The following TXNDC16 variants were observed in gnomAD, a reference collection of about 807,000 sequenced individuals.
TXNDC16 encodes the protein thioredoxin domain containing 16.
A neutral mutation model predicts 85.6 loss-of-function variants in TXNDC16; 74 were observed. The observed-to-expected ratio is 0.86, with a 90% CI of 0.72 to 1.05. The LOEUF (loss-of-function observed/expected upper bound fraction) is 1.05. Among genes scored for constraint, TXNDC16 ranks in the 50% least tolerant of loss-of-function variants. TXNDC16 has a pLI of 0.00. For synonymous variants in TXNDC16, 335 were observed against 326.5 expected, an observed-to-expected ratio of 1.03 and a Z score of -0.28; for missense variants, 959 against 947.0, an observed-to-expected ratio of 1.01 and a Z score of -0.17.
chr14:52,511,493 AATT>A, intron 8 of TXNDC16, 103 bp from the exon 9 acceptor site: 1 of 686,118 alleles, frequency 1.5e-6, no homozygotes. Context: ...CATGCTTTTG[AATT>A]ATTATTTTGG....
rs200250325 is a variant in TXNDC16 at position 52,457,148 on chromosome 14, T to G, written c.1645A>C (p.Asn549His). 104 of 1,589,608 alleles carry G rather than the reference T, an allele frequency of 6.5e-5. No homozygotes were observed. The highest frequency in any genetic ancestry group is 8.4e-5 in the Non-Finnish European group (98 of 1,171,270). Reference protein sequence around the residue: ...TAKEDFSEAGNYLKGYVITGI... With the variant: ...TAKEDFSEAGHYLKGYVITGI... ...GTGATAACATATCCTTTTAGGTAGT[T>G]TCCTGCTTCACTAAAATCTTCTTTT... Residue 549 changes from asparagine to histidine, a missense_variant, in exon 17 of 21, where the codon AAC (asparagine) becomes CAC (histidine). Transcript: ENST00000281741.
At chr14:52,455,249 G>T in intron 18 of TXNDC16, 75 bp downstream of exon 18, 1 of 1,550,410 alleles carries the variant, frequency 6.4e-7, no homozygotes, top group African/African-American at 1.4e-5. Flanking sequence ...ATGGAAAAAT[G>T]TGTATGAACA....
intron 9 of TXNDC16, among the ~76,000 whole-genome samples, chr14:52,492,710 C>T (rs956139877): frequency 8.5e-5 from 13 of 152,102 alleles, no homozygotes; most frequent in African/African-American, 3.1e-4. Context: ...CTAAGAAATC[C>T]CATGGGATGG....
chr14:52,444,078 G>A (rs983420325), intron 18 of TXNDC16, among the ~76,000 whole-genome samples: 7 of 152,106 alleles, frequency 4.6e-5, no homozygotes, highest in Admixed American at 3.9e-4. Context: ...AATTACAAAA[G>A]CCGGAAGAAA....
At chr14:52,483,094 T>A in intron 12 of TXNDC16, 129 bp from the exon 13 acceptor site, 1 of 689,708 alleles carries the variant, frequency 1.4e-6, no homozygotes, top group Non-Finnish European at 2.2e-6. Flanking sequence ...ATCTTAATAG[T>A]TAGGATGCAT....
intron 4 of TXNDC16, among the ~76,000 whole-genome samples, chr14:52,538,337 G>C (rs1359818916): frequency 3.3e-5 from 5 of 152,132 alleles, no homozygotes; most frequent in African/African-American, 1.2e-4. Flanking sequence ...CAGAAAGAAT[G>C]AACTAAGTCA....
intron 18 of TXNDC16, among the ~76,000 whole-genome samples, chr14:52,450,916 TAC>T (rs2035396219): frequency 6.6e-6 from 1 of 150,998 alleles, no homozygotes; most frequent in Admixed American, 6.6e-5. Flanking sequence ...TATGTATACA[TAC>T]ACACACATTG....
Position 52,432,347 on chromosome 14 carries a change from G to T in TXNDC16, c.2435C>A (p.Ser812Ter). 6.2e-7 allele frequency: 1 copy of T among 1,613,396 alleles called. No individual in the cohort carries two copies. The highest frequency in any genetic ancestry group is 8.5e-7 in the Non-Finnish European group (1 of 1,179,768). ...RSNWFKEAEK[S>*]FRRDKELGCS... Reference sequence around the variant, plus strand: ...TCCTAACTCTTTATCACGTCTAAATGATTTTTCTGCTTCTTTAAACCAATT... The same window carrying T: ...TCCTAACTCTTTATCACGTCTAAATTATTTTTCTGCTTCTTTAAACCAATT... Residue 812 changes from serine to a stop codon, truncating the protein, a stop_gained, in exon 21 of 21, where the codon TCA becomes TAA. Coordinates refer to ENST00000281741, the MANE Select transcript of TXNDC16 (RefSeq NM_020784.3). LOFTEE classifies it high-confidence loss of function.
intron 6 of TXNDC16, among the ~76,000 whole-genome samples, chr14:52,535,813 T>C (rs1342798694): frequency 1.3e-5 from 2 of 151,902 alleles, no homozygotes; most frequent in African/African-American, 4.8e-5. Flanking sequence ...AGCTAGAGAA[T>C]CCAGAAAGAA....
intron 6 of TXNDC16, among the ~76,000 whole-genome samples, chr14:52,532,629 G>C (rs958806996): frequency 1.4e-4 from 21 of 152,044 alleles, no homozygotes; most frequent in Non-Finnish European, 2.6e-4. Context: ...GTAGAGACAG[G>C]GTTTCACCGT....
rs1321569098 is a variant in TXNDC16, at chr14:52,530,396, TATA to T, written c.392+6320_392+6322del. ...TATAATATTATATATAATATTATAA[TATA>T]ATATATAATTATTATATAATATTAT... On this transcript the variant is annotated intron_variant, in intron 6 of 20. Transcript: ENST00000281741. Among the ~76,000 whole-genome samples the T allele has an allele frequency of 2.8e-4, 6 of 21,400 alleles. 1 individual carries two copies. The highest frequency in any genetic ancestry group is 3.3e-4 in the Non-Finnish European group (5 of 15,274). 14.0% of individuals were successfully genotyped at this position (21,400 alleles called of 152,430 possible). A position where few individuals can be genotyped will look rare whatever the true frequency, so the allele number is the denominator to read the frequency against.
chr14:52,514,698 T>C (rs575467397), intron 8 of TXNDC16, among the ~76,000 whole-genome samples, 182 bp downstream of exon 8: 12 of 152,306 alleles, frequency 7.9e-5, no homozygotes, highest in African/African-American at 2.9e-4. Flanking sequence ...ATTTTAAGAC[T>C]GTAATACAGC....
chr14:52,470,174 C>T lies in TXNDC16; in HGVS notation c.1482-1G>A. On this transcript the variant is annotated splice_acceptor_variant, in intron 15 of 20. Coordinates refer to ENST00000281741, the MANE Select transcript of TXNDC16 (RefSeq NM_020784.3). LOFTEE classifies it high-confidence loss of function. ...ATTCACTGGATATGAAATCCTGTTG[C>T]TGGATAAACATATAACTATATTACA... The T allele has an allele frequency of 6.3e-7, 1 of 1,592,586 alleles. No individual in the cohort carries two copies. Among genetic ancestry groups the T allele is most frequent in the Non-Finnish European group, 8.5e-7 (1 of 1,170,260 alleles).
At chr14:52,534,702 T>TA (rs1445240375) in intron 6 of TXNDC16, among the ~76,000 whole-genome samples, 1 of 152,202 alleles carries the variant, frequency 6.6e-6, no homozygotes, top group Non-Finnish European at 1.5e-5. Flanking sequence ...CCCTTATGCA[T>TA]ACATACTTCT....
chr14:52,458,465 G>A (rs1177213472), intron 16 of TXNDC16, among the ~76,000 whole-genome samples: 2 of 152,190 alleles, frequency 1.3e-5, no homozygotes, highest in African/African-American at 4.8e-5. Context: ...GCTGAGGCAT[G>A]AGAATCGCTT....
chr14:52,491,596 C>A (rs991996758), intron 9 of TXNDC16, among the ~76,000 whole-genome samples: 1 of 107,628 alleles, frequency 9.3e-6, no homozygotes, highest in Non-Finnish European at 1.8e-5. Context: ...TAAACAAAAA[C>A]AATAAATAAG....
chr14:52,441,557 C>T (rs1191410908), intron 18 of TXNDC16, among the ~76,000 whole-genome samples: 3 of 151,088 alleles, frequency 2.0e-5, no homozygotes, highest in African/African-American at 7.3e-5. Flanking sequence ...TGCAGTGAGC[C>T]GAGATTGTTC....
chr14:52,434,407 C>T (rs1008880783), intron 20 of TXNDC16, among the ~76,000 whole-genome samples: 1 of 152,136 alleles, frequency 6.6e-6, no homozygotes, highest in East Asian at 1.9e-4. Flanking sequence ...GTAATAAATA[C>T]ATTATTCATC....
chr14:52,531,945 T>A (rs1392551796), intron 6 of TXNDC16, among the ~76,000 whole-genome samples: 2 of 152,242 alleles, frequency 1.3e-5, no homozygotes, highest in Admixed American at 1.3e-4. Flanking sequence ...TTTCTGTAAA[T>A]TTTTCAAGTT....
Sources: allele counts gnomAD v4.1 joint callset (sites outside exome capture counted in the v4.1 genomes callset), GRCh38; gene constraint gnomAD v4.1.1; transcripts MANE v1.5; gene names NCBI Gene and HGNC (gene_info 2026-07-23, HGNC 2026-07-21).